The following RBM23 variants were observed in gnomAD, a reference collection of about 807,000 sequenced individuals.
RBM23 encodes the protein RNA binding motif protein 23.
A neutral mutation model predicts 56.2 loss-of-function variants in RBM23; 53 were observed. The ratio of observed to expected loss-of-function variants is 0.94; its 90% CI spans 0.76 to 1.19. The LOEUF (loss-of-function observed/expected upper bound fraction) is 1.19, where lower values mean the gene tolerates loss of function less well. Ranked by LOEUF, RBM23 falls within the 50% of genes most tolerant of loss-of-function variation. The pLI is 0.00. For synonymous variants in RBM23, 197 were observed against 198.5 expected (o/e 0.99, Z 0.06); for missense variants, 642 against 590.3 (o/e 1.09, Z -0.91).
At position 22,902,365 on chromosome 14, in the gene RBM23, A is replaced by G. The variant is rs1309726687; in HGVS notation, c.948T>C (p.Cys316=). The G allele has an allele frequency of 6.2e-7, 1 of 1,613,186 alleles. No individual in the cohort carries two copies. The highest frequency in any genetic ancestry group is 1.3e-5 in the African/African-American group (1 of 75,014). The change falls in exon 11 of 14, where the codon TGT becomes TGC. Residue 316 remains cysteine, a synonymous_variant. Transcript: ENST00000359890. ...TCAACTGTTCCAGGGCCCGCCGGGC[A>G]CACTCAGAATCAGAGAACTATGAGA... is the stretch of plus-strand genomic sequence containing the variant. ...YGFITFSDSE[C]ARRALEQLNG...
intron 9 of RBM23, 66 bp downstream of exon 9, chr14:22,904,809 C>T: frequency 6.3e-7 from 1 of 1,598,798 alleles, no homozygotes. Flanking sequence ...CAGAGAAGTA[C>T]ACTCAAACAC....
In RBM23 at chr14:22,905,223, T is replaced by G. The variant is rs750426900; in HGVS notation, c.597A>C (p.Ser199=). The G allele has an allele frequency of 6.2e-7, 1 of 1,614,092 alleles. No individual in the cohort carries two copies. The highest frequency in any genetic ancestry group is 1.3e-5 in the African/African-American group (1 of 74,920). ...VGKVRDVRII[S]DRNSRRSKGI... is the part of the protein sequence containing the mutation. ...CCTTAGAACGACGTGAGTTCCGATCTGAGATGATACGTACATCGCGAACCT... is the reference window on the plus strand; with the variant it reads ...CCTTAGAACGACGTGAGTTCCGATCGGAGATGATACGTACATCGCGAACCT... Residue 199 remains serine (S), a synonymous_variant, in exon 8 of 14, where the codon TCA becomes TCC. Coordinates refer to ENST00000359890, the MANE Select transcript of RBM23 (RefSeq NM_001077351.2).
rs993668853 is a variant in RBM23, at chr14:22,895,762, C to T, written c.*5968G>A. On this transcript the variant is annotated 3_prime_UTR_variant, in exon 14 of 14. Transcript: ENST00000359890. Reference sequence around the variant, plus strand: ...TGTACTCCAGCATGGGCAACAGAGCCAGACCCTGTCTCAAAACAAAACAAA... The same window carrying T: ...TGTACTCCAGCATGGGCAACAGAGCTAGACCCTGTCTCAAAACAAAACAAA... 1 of 152,332 alleles carries T rather than the reference C, an allele frequency of 6.6e-6. No individual in the cohort carries two copies. The highest frequency in any genetic ancestry group is 2.4e-5 in the African/African-American group (1 of 41,446). 9.4% of individuals were successfully genotyped at this position (152,332 alleles called of 1,614,324 possible). A position where few individuals can be genotyped will look rare whatever the true frequency, so the allele number is the denominator to read the frequency against.
chr14:22,901,829 A>T lies in RBM23; in HGVS notation c.1301T>A (p.Phe434Tyr), dbSNP rs755353057. 6.8e-6 allele frequency: 11 copies of T among 1,614,220 alleles called. No homozygotes were observed. Among genetic ancestry groups the T allele is most frequent in the Non-Finnish European group, 9.3e-6 (11 of 1,180,020 alleles). Reference protein sequence around the residue: ...ASQCFQLSSLFTPQTM With the variant: ...ASQCFQLSSLYTPQTM ...TGAGACTCACATGGTCTGGGGGGTA[A>T]AGAGGCTGGAGAGCTGGAAACACTG... The change falls in exon 13 of 14, where the codon TTT (phenylalanine) becomes TAT (tyrosine). Residue 434 changes from phenylalanine (F) to tyrosine (Y), a missense_variant. Physicochemically the swap from Phe to Tyr is conservative, Grantham distance 22 (BLOSUM62 3). Coordinates refer to ENST00000359890, the MANE Select transcript of RBM23 (RefSeq NM_001077351.2).
Position 22,895,675 on chromosome 14 carries a change from C to G in RBM23, c.*6055G>C, listed in dbSNP as rs2040237231. 1 of 152,310 alleles carries G rather than the reference C, an allele frequency of 6.6e-6. No homozygotes were observed. The highest frequency in any genetic ancestry group is 1.5e-5 in the Non-Finnish European group (1 of 68,154). 9.4% of individuals were successfully genotyped at this position (152,310 alleles called of 1,614,324 possible). Reference sequence around the variant, plus strand: ...TAGTGGCACATACCTGTAGTTCCAGCTAATCAAGAGGATCATTTGAGCTCA... The same window carrying G: ...TAGTGGCACATACCTGTAGTTCCAGGTAATCAAGAGGATCATTTGAGCTCA... On this transcript the variant is annotated 3_prime_UTR_variant, in exon 14 of 14. Transcript: ENST00000359890.
chr14:22,907,610 GT>G (rs1376421441), intron 4 of RBM23, among the ~76,000 whole-genome samples: 1 of 152,078 alleles, frequency 6.6e-6, no homozygotes, highest in Non-Finnish European at 1.5e-5. Flanking sequence ...AAACAATTAC[GT>G]ACAGTATATA....
chr14:22,918,982 G>A lies in RBM23; in HGVS notation c.-11+17C>T, dbSNP rs2044115617. 6.6e-6 allele frequency: 1 copy of A among 152,178 alleles called. No homozygotes were observed. Among genetic ancestry groups the A allele is most frequent in the African/African-American group, 2.4e-5 (1 of 41,452 alleles). The allele number at this position is 152,178 out of a possible 1,614,324, so 9.4% of individuals were successfully genotyped here. A position where few individuals can be genotyped will look rare whatever the true frequency, so the allele number is the denominator to read the frequency against. On this transcript the variant is annotated intron_variant, in intron 1 of 13. Coordinates refer to ENST00000359890, the MANE Select transcript of RBM23 (RefSeq NM_001077351.2). ...ATTGGTGACGTCTGGTGGGGACCGG[G>A]TTTTGGGGTTTCTCACCAGTTCCGG...
At chr14:22,903,543 G>A (rs556034670) in intron 10 of RBM23, 2 of 986,672 alleles carry the variant, frequency 2.0e-6, no homozygotes, top group African/African-American at 3.5e-5. Context: ...GCCTTTACTG[G>A]ATATTTTTGA....
At chr14:22,912,404 T>C (rs1425277340) in intron 1 of RBM23, among the ~76,000 whole-genome samples, 1 of 152,188 alleles carries the variant, frequency 6.6e-6, no homozygotes, top group African/African-American at 2.4e-5. Flanking sequence ...TAAGACAGGC[T>C]CGACTAATCC....
intron 1 of RBM23, chr14:22,917,823 G>C (rs2043821351): frequency 6.6e-6 from 1 of 152,222 alleles, no homozygotes; most frequent in African/African-American, 2.4e-5. Flanking sequence ...AACAGTATTA[G>C]AGACCCACAA....
intron 10 of RBM23, chr14:22,903,026 C>A: frequency 1.0e-6 from 1 of 959,908 alleles, no homozygotes; most frequent in Non-Finnish European, 1.2e-6. Flanking sequence ...AGGCGATTCA[C>A]CCACCTTGGC....
In RBM23 at chr14:22,902,756, C is replaced by CCTTTTTTTTTTTTTTTTTT. The variant is rs1555336814; in HGVS notation, c.931-375_931-374insAAAAAAAAAAAAAAAAAAG. On this transcript the variant is annotated intron_variant, in intron 10 of 13. Coordinates refer to ENST00000359890, the MANE Select transcript of RBM23 (RefSeq NM_001077351.2). The stretch of plus-strand genomic sequence containing the variant: ...GTTCTCTATCCTAGTAAGTTTTAGT[C>CCTTTTTTTTTTTTTTTTTT]TTTTTTTTTTTTTTTTTTTTTTTTT... The CCTTTTTTTTTTTTTTTTTT allele has an allele frequency of 4.2e-5, 18 of 432,480 alleles. 9 individuals are homozygous for CCTTTTTTTTTTTTTTTTTT. The highest frequency in any genetic ancestry group is 2.6e-4 in the South Asian group (2 of 7,550). The allele number at this position is 432,480 out of a possible 1,614,324, so 26.8% of individuals were successfully genotyped here.
intron 1 of RBM23, among the ~76,000 whole-genome samples, chr14:22,916,075 G>A (rs948503916): frequency 4.6e-5 from 7 of 152,046 alleles, no homozygotes; most frequent in South Asian, 2.1e-4. Flanking sequence ...AATTAGCCAC[G>A]CATGGTGGTG....
Position 22,901,896 on chromosome 14 carries a change from C to T in RBM23, c.1247-13G>A. ...GCTGGACTCAGAGCTAGAACAAAGA[C>T]AGGCAGAGTGAGTGAGCAAGCACCG... On this transcript the variant is annotated splice_polypyrimidine_tract_variant and intron_variant, in intron 12 of 13. Coordinates refer to ENST00000359890, the MANE Select transcript of RBM23 (RefSeq NM_001077351.2). 6.2e-7 allele frequency: 1 copy of T among 1,614,194 alleles called. No individual in the cohort carries two copies. The highest frequency in any genetic ancestry group is 8.5e-7 in the Non-Finnish European group (1 of 1,180,026).
rs1281953602 is a variant in RBM23, at chr14:22,901,708, G to C, written c.*22C>G. On this transcript the variant is annotated 3_prime_UTR_variant, in exon 14 of 14. Coordinates refer to ENST00000359890, the MANE Select transcript of RBM23 (RefSeq NM_001077351.2). ...GTGGCAGGATCCAGAGGCACAAGGA[G>C]GCAGTATACTGTGCCACTGATTTAC... The C allele has an allele frequency of 6.2e-7, 1 of 1,611,264 alleles. No homozygotes were observed. Among genetic ancestry groups the C allele is most frequent in the East Asian group, 2.2e-5 (1 of 44,874 alleles).
At chr14:22,906,077 T>C in intron 5 of RBM23, 118 bp downstream of exon 5, 1 of 1,230,272 alleles carries the variant, frequency 8.1e-7, no homozygotes, top group Non-Finnish European at 1.1e-6. Flanking sequence ...TTTCTGTGCC[T>C]GAGTATCCTG....
At position 22,898,764 on chromosome 14, in the gene RBM23, C is replaced by T. The variant is rs1172225639; in HGVS notation, c.*2966G>A. The stretch of plus-strand genomic sequence containing the variant: ...CATAAGGAAACCAAGCAGAGGAAGG[C>T]AGGGAGGCAAGGCCTGTGGATATTT... On this transcript the variant is annotated 3_prime_UTR_variant, in exon 14 of 14. Coordinates refer to ENST00000359890, the MANE Select transcript of RBM23 (RefSeq NM_001077351.2). The T allele has an allele frequency of 6.6e-6, 1 of 151,628 alleles. No homozygotes were observed. The highest frequency in any genetic ancestry group is 1.5e-5 in the Non-Finnish European group (1 of 67,996). 9.4% of individuals were successfully genotyped at this position (151,628 alleles called of 1,614,324 possible). A position where few individuals can be genotyped will look rare whatever the true frequency, so the allele number is the denominator to read the frequency against.
rs1419503544 is a variant in RBM23, at chr14:22,893,410, A to G, written c.*8320T>C. ...AAATAAGACACAATTTCTGCCCGTC[A>G]AATAGCTTGCAATTAAGCTGGGGAG... is the stretch of plus-strand genomic sequence containing the variant. On this transcript the variant is annotated 3_prime_UTR_variant, in exon 14 of 14. Transcript: ENST00000359890. 1 of 152,238 alleles carries G rather than the reference A, an allele frequency of 6.6e-6. No individual in the cohort carries two copies. Among genetic ancestry groups the G allele is most frequent in the Non-Finnish European group, 1.5e-5 (1 of 68,052 alleles). 9.4% of individuals were successfully genotyped at this position (152,238 alleles called of 1,614,324 possible).
intron 1 of RBM23, among the ~76,000 whole-genome samples, chr14:22,914,896 T>A (rs1320704409): frequency 6.8e-6 from 1 of 146,918 alleles, no homozygotes; most frequent in Non-Finnish European, 1.5e-5. Flanking sequence ...GACAGGAGAA[T>A]CGCTTGAACC....
Sources: allele counts gnomAD v4.1 joint callset (sites outside exome capture counted in the v4.1 genomes callset), GRCh38; gene constraint gnomAD v4.1.1; transcripts MANE v1.5; gene names NCBI Gene and HGNC (gene_info 2026-07-23, HGNC 2026-07-21).